Variants in ARL15 observed in about 807,000 individuals in gnomAD.
ARL15 encodes ADP-ribosylation factor-like protein 15.
ARL15 carries 19 observed loss-of-function variants against 25.2 expected under a neutral mutation model. The observed-to-expected ratio is 0.75, with a 90% CI of 0.53 to 1.10. The LOEUF is 1.10. Ranked by LOEUF, ARL15 falls within the 50% of genes least tolerant of loss-of-function variation. The pLI is 0.00. For synonymous variants in ARL15, 94 were observed against 86.8 expected (o/e 1.08, Z -0.46); for missense variants, 220 against 246.0 (o/e 0.89, Z 0.71).
At chr5:54,288,942 C>T (rs1193963822) in intron 1 of ARL15, among the ~76,000 whole-genome samples, 1 of 152,140 alleles carries the variant, frequency 6.6e-6, no homozygotes, top group Non-Finnish European at 1.5e-5. Flanking sequence ...CAAGAGCACA[C>T]GGGATTCTGG....
At chr5:54,243,877 T>C (rs942549261) in intron 1 of ARL15, among the ~76,000 whole-genome samples, 7 of 152,204 alleles carry the variant, frequency 4.6e-5, no homozygotes, top group African/African-American at 1.7e-4. Context: ...CAGTGACTGT[T>C]GCCACCTTGT....
At chr5:54,013,384 A>C (rs1749307636) in intron 4 of ARL15, among the ~76,000 whole-genome samples, 1 of 152,234 alleles carries the variant, frequency 6.6e-6, no homozygotes, top group Non-Finnish European at 1.5e-5. Context: ...TCCCAGGCAC[A>C]GGCCAAGCTA....
intron 4 of ARL15, among the ~76,000 whole-genome samples, chr5:54,050,331 G>A (rs927698990): frequency 2.0e-5 from 3 of 152,186 alleles, no homozygotes; most frequent in Non-Finnish European, 4.4e-5. Context: ...TGCAGTTCTT[G>A]TTGCTGCTGA....
In ARL15 at chr5:54,012,021, C is replaced by G. The variant is rs112131261; in HGVS notation, c.462+101181G>C. On this transcript the variant is annotated intron_variant, in intron 4 of 4. Transcript: ENST00000504924. ...AGACTCTGTCTCAAAAAAAAAAGAGCATAAATGTTTAATAGACAAACCAAA... is the reference window on the plus strand; with the variant it reads ...AGACTCTGTCTCAAAAAAAAAAGAGGATAAATGTTTAATAGACAAACCAAA... 3.3e-3 allele frequency among the ~76,000 whole-genome samples: 501 copies of G among 151,788 alleles called. 5 individuals are homozygous for G. Among genetic ancestry groups the G allele is most frequent in the African/African-American group, 0.012 (488 of 41,418 alleles).
At chr5:54,303,500 G>A in intron 1 of ARL15, among the ~76,000 whole-genome samples, 1 of 152,004 alleles carries the variant, frequency 6.6e-6, no homozygotes, top group East Asian at 1.9e-4. Flanking sequence ...GACAGAGTGA[G>A]ACCCTGTCAA....
chr5:54,228,477 C>T lies in ARL15; in HGVS notation c.49-56549G>A, dbSNP rs537581017. On this transcript the variant is annotated intron_variant, in intron 1 of 4. Transcript: ENST00000504924. ...TCATCTTCTAAAGTCCTTATTACCA[C>T]GAGGACTGACCCCCCCACCCCCACC... 2.2e-3 allele frequency among the ~76,000 whole-genome samples: 334 copies of T among 152,070 alleles called. 5 individuals are homozygous for T. The highest frequency in any genetic ancestry group is 7.5e-3 in the African/African-American group (311 of 41,462).
intron 4 of ARL15, among the ~76,000 whole-genome samples, chr5:54,103,906 A>C (rs1752512483): frequency 6.6e-6 from 1 of 152,166 alleles, no homozygotes; most frequent in African/African-American, 2.4e-5. Context: ...CCAGAAATGG[A>C]CCAGCTTTCT....
At chr5:54,217,007 TAA>T (rs147811426) in intron 1 of ARL15, among the ~76,000 whole-genome samples, 1 of 152,238 alleles carries the variant, frequency 6.6e-6, no homozygotes, top group African/African-American at 2.4e-5. Flanking sequence ...AAAGCCAGAT[TAA>T]GTCTCTAATC....
At chr5:53,996,845 C>A (rs1580153803) in intron 4 of ARL15, among the ~76,000 whole-genome samples, 1 of 152,156 alleles carries the variant, frequency 6.6e-6, no homozygotes, top group Admixed American at 6.5e-5. Flanking sequence ...CACCTTACAC[C>A]TGTACCTTAC....
intron 4 of ARL15, among the ~76,000 whole-genome samples, chr5:54,086,843 G>A (rs890161187): frequency 2.0e-5 from 3 of 152,108 alleles, no homozygotes; most frequent in Non-Finnish European, 2.9e-5. Context: ...TCCTCTAGGC[G>A]GTTGACTTAA....
At chr5:54,011,137 T>G (rs1749229667) in intron 4 of ARL15, among the ~76,000 whole-genome samples, 1 of 152,152 alleles carries the variant, frequency 6.6e-6, no homozygotes, top group Non-Finnish European at 1.5e-5. Flanking sequence ...GATTTCACGA[T>G]TCAAGGTTAA....
At chr5:54,173,933 T>A (rs277340) in intron 1 of ARL15, among the ~76,000 whole-genome samples, 3 of 151,758 alleles carry the variant, frequency 2.0e-5, no homozygotes, top group African/African-American at 4.8e-5. Flanking sequence ...CCCCCAATTC[T>A]GGACTTAGCC....
At chr5:53,914,005 T>A (rs1386726267) in intron 4 of ARL15, among the ~76,000 whole-genome samples, 1 of 152,168 alleles carries the variant, frequency 6.6e-6, no homozygotes, top group African/African-American at 2.4e-5. Context: ...GGGTTTAGAA[T>A]GAACATAAAC....
chr5:54,008,951 A>G (rs147885990), intron 4 of ARL15, among the ~76,000 whole-genome samples: 5 of 152,352 alleles, frequency 3.3e-5, no homozygotes, highest in Middle Eastern at 3.4e-3. Flanking sequence ...ATGTAAGATT[A>G]CAGAACTAGA....
chr5:53,957,879 A>C (rs1482732366), intron 4 of ARL15, among the ~76,000 whole-genome samples: 3 of 152,024 alleles, frequency 2.0e-5, no homozygotes, highest in Non-Finnish European at 4.4e-5. Flanking sequence ...ATATATTTTA[A>C]ATTTGTAACT....
chr5:54,254,107 T>C (rs1757307830), intron 1 of ARL15, among the ~76,000 whole-genome samples: 1 of 152,180 alleles, frequency 6.6e-6, no homozygotes, highest in Non-Finnish European at 1.5e-5. Context: ...ATTAAGACAA[T>C]CTTTTGCAGA....
Position 54,091,406 on chromosome 5 carries a change from C to T in ARL15, c.462+21796G>A, listed in dbSNP as rs147256306. Among the ~76,000 whole-genome samples the T allele has an allele frequency of 5.5e-4, 84 of 152,218 alleles. 5 individuals are homozygous for T. The East Asian group carries it at 0.015, about 26-fold the overall frequency. Reference sequence around the variant, plus strand: ...GAAGGGCTGGAGAATGTTACTCAAACATAAGGTCGGTAAAGAAATTTTAGC... The same window carrying T: ...GAAGGGCTGGAGAATGTTACTCAAATATAAGGTCGGTAAAGAAATTTTAGC... On this transcript the variant is annotated intron_variant, in intron 4 of 4. Coordinates refer to ENST00000504924, the MANE Select transcript of ARL15 (RefSeq NM_019087.3).
At position 54,023,249 on chromosome 5, in the gene ARL15, T is replaced by C. The variant is rs1025645363; in HGVS notation, c.462+89953A>G. On this transcript the variant is annotated intron_variant, in intron 4 of 4. Transcript: ENST00000504924. ...GACACAAATAGGCTGTTAAAGATTA[T>C]GGATGTACAGTGTAATACCTAAAAC... Among the ~76,000 whole-genome samples, 5 of 151,896 alleles carry C rather than the reference T, an allele frequency of 3.3e-5. 1 individual carries two copies. In the South Asian group the frequency reaches 6.2e-4, roughly 19 times the overall value.
chr5:54,092,047 AAC>A (rs758037549), intron 4 of ARL15, among the ~76,000 whole-genome samples: 53 of 146,084 alleles, frequency 3.6e-4, no homozygotes, highest in South Asian at 6.5e-4. Flanking sequence ...TCAAATTGAA[AAC>A]ACACACACAC....
Sources: allele counts gnomAD v4.1 joint callset (sites outside exome capture counted in the v4.1 genomes callset), GRCh38; gene constraint gnomAD v4.1.1; transcripts MANE v1.5; gene names NCBI Gene and HGNC (gene_info 2026-07-23, HGNC 2026-07-21).